Variants in KCNIP3 observed in about 807,000 individuals in gnomAD.
KCNIP3 encodes potassium voltage-gated channel interacting protein 3, also known as calsenilin.
In KCNIP3, 28 loss-of-function variants were observed where a neutral mutation model predicts 35.0. That is an observed-to-expected ratio of 0.80 (90% confidence interval 0.59 to 1.10). The LOEUF (loss-of-function observed/expected upper bound fraction) is 1.10. Ranked by LOEUF, KCNIP3 falls within the 50% of genes least tolerant of loss-of-function variation. The probability of loss-of-function intolerance (pLI) is 0.00; values close to 1 mark genes in which losing one functional copy is unlikely to be tolerated. For synonymous variants in KCNIP3, 134 were observed against 133.8 expected (o/e 1.00, Z -0.01); for missense variants, 295 against 338.4 (o/e 0.87, Z 1.01).
chr2:95,352,718 C>T (rs954235612), intron 2 of KCNIP3, among the ~76,000 whole-genome samples: 3 of 152,192 alleles, frequency 2.0e-5, no homozygotes, highest in African/African-American at 7.2e-5. Context: ...CAAGCCCTTC[C>T]TCCCCTGCCT....
At position 95,323,690 on chromosome 2, in the gene KCNIP3, G is replaced by A. The variant is rs149770824; in HGVS notation, c.181+13170G>A. Among the ~76,000 whole-genome samples the A allele has an allele frequency of 2.4e-4, 37 of 152,234 alleles. 2 individuals carry two copies. In the East Asian group the frequency reaches 6.4e-3, roughly 26 times the overall value. ...AAAGGCACCAGGATCTGGCATCCCCGGGATGCCACCTGTCTTCCAGGATGT... is the reference window on the plus strand; with the variant it reads ...AAAGGCACCAGGATCTGGCATCCCCAGGATGCCACCTGTCTTCCAGGATGT... On this transcript the variant is annotated intron_variant, in intron 2 of 8. Transcript: ENST00000295225.
At chr2:95,325,139 A>ACGC (rs1678704583) in intron 2 of KCNIP3, among the ~76,000 whole-genome samples, 2 of 152,244 alleles carry the variant, frequency 1.3e-5, no homozygotes, top group Non-Finnish European at 2.9e-5. Context: ...AGGTGCAGCC[A>ACGC]CGCTGGTGGG....
chr2:95,331,690 G>A (rs536227621), intron 2 of KCNIP3, among the ~76,000 whole-genome samples: 7 of 152,262 alleles, frequency 4.6e-5, no homozygotes, highest in Non-Finnish European at 8.8e-5. Context: ...TCCAAAGAGC[G>A]CCCCACATCC....
At chr2:95,373,414 G>GTTTTTTT (rs70964869) in intron 2 of KCNIP3, among the ~76,000 whole-genome samples, 1 of 59,982 alleles carries the variant, frequency 1.7e-5, no homozygotes, top group Non-Finnish European at 2.9e-5. Flanking sequence ...CAAGTTTGTG[G>GTTTTTTT]TTTTTTTTTT....
At chr2:95,359,377 C>T (rs1408348823) in intron 2 of KCNIP3, among the ~76,000 whole-genome samples, 1 of 152,202 alleles carries the variant, frequency 6.6e-6, no homozygotes, top group Non-Finnish European at 1.5e-5. Context: ...AAGGGGGTAA[C>T]TGGTCCCAAG....
At chr2:95,366,941 T>C (rs1295475703) in intron 2 of KCNIP3, among the ~76,000 whole-genome samples, 2 of 152,242 alleles carry the variant, frequency 1.3e-5, no homozygotes, top group East Asian at 1.9e-4. Flanking sequence ...TTGTCAGATA[T>C]GCAGTTTGCA....
intron 2 of KCNIP3, among the ~76,000 whole-genome samples, chr2:95,365,706 C>T (rs1679901048): frequency 6.6e-6 from 1 of 152,040 alleles, no homozygotes; most frequent in South Asian, 2.1e-4. Flanking sequence ...TGTTTCTTGG[C>T]CCTCGGGAAA....
At chr2:95,347,271 G>A (rs765878165) in intron 2 of KCNIP3, 1 of 665,076 alleles carries the variant, frequency 1.5e-6, no homozygotes, top group Non-Finnish European at 2.5e-6. Context: ...GTTGGGCCTG[G>A]GACTAAGGAG....
chr2:95,360,595 A>G (rs1161819354), intron 2 of KCNIP3, among the ~76,000 whole-genome samples: 1 of 152,246 alleles, frequency 6.6e-6, no homozygotes, highest in East Asian at 1.9e-4. Flanking sequence ...TGTTTTGTGC[A>G]GAATACCACA....
chr2:95,374,174 A>G, intron 2 of KCNIP3, 122 bp from the exon 3 acceptor site: 2 of 1,242,772 alleles, frequency 1.6e-6, no homozygotes, highest in South Asian at 2.7e-5. Flanking sequence ...GTGGCTGTCC[A>G]TGGTAGTCAT....
intron 2 of KCNIP3, among the ~76,000 whole-genome samples, chr2:95,316,682 A>G (rs866318378): frequency 6.6e-6 from 1 of 152,194 alleles, no homozygotes; most frequent in Non-Finnish European, 1.5e-5. Flanking sequence ...TGGAAGACAG[A>G]TGCTTCCATT....
intron 2 of KCNIP3, among the ~76,000 whole-genome samples, chr2:95,325,747 G>A (rs764064512): frequency 1.1e-3 from 144 of 125,926 alleles, no homozygotes; most frequent in African/African-American, 2.7e-3. Context: ...TCATACACAC[G>A]CACTCATACA....
intron 5 of KCNIP3, among the ~76,000 whole-genome samples, chr2:95,379,617 C>T (rs939556135): frequency 6.6e-6 from 1 of 152,226 alleles, no homozygotes; most frequent in Admixed American, 6.5e-5. Flanking sequence ...AACTTTGGAG[C>T]GTTTGAGCAC....
chr2:95,298,483 A>G (rs1677934639), intron 1 of KCNIP3, among the ~76,000 whole-genome samples: 1 of 152,184 alleles, frequency 6.6e-6, no homozygotes, highest in Non-Finnish European at 1.5e-5. Context: ...GAAGGGCAAA[A>G]GGACCCAGAG....
At chr2:95,343,728 G>A (rs1017965664) in intron 2 of KCNIP3, among the ~76,000 whole-genome samples, 3 of 152,162 alleles carry the variant, frequency 2.0e-5, no homozygotes, top group African/African-American at 7.2e-5. Context: ...GGAAGAGTGT[G>A]GCCCAGGCAG....
chr2:95,312,362 T>G (rs1678342705), intron 2 of KCNIP3: 1 of 152,186 alleles, frequency 6.6e-6, no homozygotes, highest in African/African-American at 2.4e-5. Context: ...CATGGCGTGT[T>G]CAAGTCAGGG....
intron 2 of KCNIP3, among the ~76,000 whole-genome samples, chr2:95,345,669 C>CGTCCG (rs1411481257): frequency 1.3e-5 from 2 of 152,210 alleles, no homozygotes; most frequent in African/African-American, 4.8e-5. Context: ...GCGCTGAGTC[C>CGTCCG]GTCCGGCGGG....
chr2:95,359,635 G>A (rs1231390473), intron 2 of KCNIP3, among the ~76,000 whole-genome samples: 1 of 152,232 alleles, frequency 6.6e-6, no homozygotes, highest in Non-Finnish European at 1.5e-5. Flanking sequence ...CTCTGGAGTG[G>A]CTCTCCCTCT....
rs185434311 is a variant in KCNIP3, at chr2:95,335,292, T to C, written c.181+24772T>C. Reference sequence around the variant, plus strand: ...AATGATATATTCTCACAATTTTTACTTAACTTGGAATGCCTTAATTTACCC... The same window carrying C: ...AATGATATATTCTCACAATTTTTACCTAACTTGGAATGCCTTAATTTACCC... On this transcript the variant is annotated intron_variant, in intron 2 of 8. Coordinates refer to ENST00000295225, the MANE Select transcript of KCNIP3 (RefSeq NM_013434.5). Among the ~76,000 whole-genome samples the C allele has an allele frequency of 5.2e-5, 8 of 152,398 alleles. 1 individual carries two copies. The highest frequency in any genetic ancestry group is 1.9e-4 in the African/African-American group (8 of 41,594).
Sources: allele counts gnomAD v4.1 joint callset (sites outside exome capture counted in the v4.1 genomes callset), GRCh38; gene constraint gnomAD v4.1.1; transcripts MANE v1.5; gene names NCBI Gene and HGNC (gene_info 2026-07-23, HGNC 2026-07-21).